AR: variants seen among roughly 807,000 people sequenced by gnomAD.
AR encodes the protein dihydrotestosterone receptor.
AR carries 8 observed loss-of-function variants against 53.9 expected under a neutral mutation model. That is an observed-to-expected ratio of 0.15 (90% CI 0.09 to 0.27). AR has a LOEUF of 0.27. Among genes scored for constraint, AR ranks in the 10% least tolerant of loss-of-function variants. The probability of loss-of-function intolerance (pLI) is 1.00; values close to 1 mark genes in which losing one functional copy is unlikely to be tolerated. For synonymous variants in AR, 359 were observed against 316.4 expected (o/e 1.13, Z -1.43); for missense variants, 639 against 742.5 (o/e 0.86, Z 1.62).
intron 1 of AR, among the ~76,000 whole-genome samples, chrX:67,609,404 A>T (rs1278652311): frequency 9.0e-6 from 1 of 111,136 alleles, no homozygotes. Flanking sequence ...TCTCAACAAC[A>T]CTGGACATTA....
At chrX:67,634,003 G>A (rs767690503) in intron 1 of AR, among the ~76,000 whole-genome samples, 2 of 111,471 alleles carry the variant, frequency 1.8e-5, no homozygotes, top group Non-Finnish European at 1.9e-5. Context: ...ATGTGAGTAT[G>A]CTAAAATGGG....
At chrX:67,716,080 GA>G (rs1238935099) in intron 4 of AR, among the ~76,000 whole-genome samples, 1 of 111,048 alleles carries the variant, frequency 9.0e-6, no homozygotes, top group African/African-American at 3.3e-5. Context: ...TTTACAAAAG[GA>G]AAAAAAATTG....
At chrX:67,694,392 C>T (rs1212466080) in intron 3 of AR, among the ~76,000 whole-genome samples, 1 of 109,278 alleles carries the variant, frequency 9.2e-6, no homozygotes, top group African/African-American at 3.3e-5. Flanking sequence ...GAGAGATGCA[C>T]GCACACATAT....
intron 3 of AR, among the ~76,000 whole-genome samples, chrX:67,705,054 T>C (rs1310413572): frequency 8.9e-6 from 1 of 111,897 alleles, no homozygotes; most frequent in Non-Finnish European, 1.9e-5. Context: ...TGTAGCCTTG[T>C]AGTATAGTTT....
At chrX:67,704,621 C>A (rs1266917684) in intron 3 of AR, among the ~76,000 whole-genome samples, 2 of 111,702 alleles carry the variant, frequency 1.8e-5, no homozygotes, top group East Asian at 5.6e-4. Flanking sequence ...ATGGTAGTTT[C>A]TTTTGCTGTG....
intron 1 of AR, among the ~76,000 whole-genome samples, chrX:67,559,692 G>T (rs1921213570): frequency 8.9e-6 from 1 of 112,347 alleles, no homozygotes; most frequent in African/African-American, 3.2e-5. Flanking sequence ...AGGAGAGAAA[G>T]AATTTTTCCA....
chrX:67,609,836 A>G (rs2147385265), intron 1 of AR, among the ~76,000 whole-genome samples: 1 of 112,175 alleles, frequency 8.9e-6, no homozygotes, highest in African/African-American at 3.2e-5. Flanking sequence ...GCATTTGAAG[A>G]TTTGTTTAAA....
intron 1 of AR, among the ~76,000 whole-genome samples, chrX:67,619,331 C>CTG (rs749055716): frequency 0.017 from 1,736 of 103,814 alleles, 32 homozygotes; most frequent in African/African-American, 0.05. Flanking sequence ...CTCTCTCTCT[C>CTG]TGTGTGTGTG....
chrX:67,689,340 G>A (rs903781258), intron 3 of AR, among the ~76,000 whole-genome samples: 4 of 110,971 alleles, frequency 3.6e-5, no homozygotes, highest in Non-Finnish European at 7.6e-5. Context: ...AGAGAGTGGA[G>A]GGCAGAAGGG....
chrX:67,713,126 G>T (rs960973669), intron 4 of AR, among the ~76,000 whole-genome samples: 1 of 111,806 alleles, frequency 8.9e-6, no homozygotes, highest in East Asian at 2.8e-4. Flanking sequence ...ACAGTGAGGG[G>T]CCAAGGCTTC....
rs868302830 is a variant in AR, at chrX:67,545,325, A to T, written c.179A>T (p.Gln60Leu). 3.4e-5 allele frequency: 26 copies of T among 762,566 alleles called. No individual in the cohort carries two copies. In the African/African-American group the frequency reaches 4.0e-4, roughly 12 times the overall value. The allele number at this position is 762,566 out of a possible 1,213,427, so 62.8% of individuals were successfully genotyped here. ...PGASLLLLQQ[Q>L]QQQQQQQQQQ... ...GCCAGTTTGCTGCTGCTGCAGCAGC[A>T]GCAGCAGCAGCAGCAGCAGCAGCAG... Residue 60 changes from glutamine (Q) to leucine (L), a missense_variant, in exon 1 of 8, where the codon CAG becomes CTG. Physicochemically the swap from Gln to Leu is moderately radical, Grantham distance 113. This residue lies in a region of AR where 55 missense variants were observed against 84.8 expected (regional missense o/e 0.65). Transcript: ENST00000374690.
chrX:67,576,311 G>A (rs1205370155), intron 1 of AR, among the ~76,000 whole-genome samples: 1 of 110,287 alleles, frequency 9.1e-6, no homozygotes, highest in Non-Finnish European at 1.9e-5. Flanking sequence ...TACCCTATTT[G>A]GTTCCATTGT....
At chrX:67,720,447 C>T (rs1173826884) in intron 5 of AR, among the ~76,000 whole-genome samples, 1 of 111,727 alleles carries the variant, frequency 9.0e-6, no homozygotes, top group Non-Finnish European at 1.9e-5. Flanking sequence ...AAGATTGCAG[C>T]ATTGTCATCA....
Position 67,728,849 on chromosome X carries a change from A to G in AR, c.*5008A>G, listed in dbSNP as rs2076169438. On this transcript the variant is annotated 3_prime_UTR_variant, in exon 8 of 8. Coordinates refer to ENST00000374690, the MANE Select transcript of AR (RefSeq NM_000044.6). ...ATAAAAAGAGTAGAGGACATGATAC[A>G]TTGTACTTTACTAGTTCAAGACAGA... is the stretch of plus-strand genomic sequence containing the variant. 1 of 165,998 alleles carries G rather than the reference A, an allele frequency of 6.0e-6. No individual in the cohort carries two copies. The highest frequency in any genetic ancestry group is 1.1e-5 in the Non-Finnish European group (1 of 87,099). The allele number at this position is 165,998 out of a possible 1,213,427, so 13.7% of individuals were successfully genotyped here.
At chrX:67,655,719 T>C (rs1296433407) in intron 2 of AR, among the ~76,000 whole-genome samples, 2 of 111,091 alleles carry the variant, frequency 1.8e-5, no homozygotes, top group Non-Finnish European at 3.8e-5. Flanking sequence ...AACTGTAAAA[T>C]AGGCATACAG....
chrX:67,615,825 A>T (rs1202032435), intron 1 of AR, among the ~76,000 whole-genome samples: 1 of 111,714 alleles, frequency 9.0e-6, no homozygotes, highest in Non-Finnish European at 1.9e-5. Context: ...GAAATGAAAA[A>T]ATTAAGTGGC....
Position 67,606,027 on chromosome X carries a change from G to A in AR, c.1617-37229G>A, listed in dbSNP as rs748545071. Among the ~76,000 whole-genome samples the A allele has an allele frequency of 4.5e-5, 5 of 112,068 alleles. No homozygotes were observed. The South Asian group carries it at 1.9e-3, about 42-fold the overall frequency. On this transcript the variant is annotated intron_variant, in intron 1 of 7. Transcript: ENST00000374690. ...CTTTTAGGTGTTTTCAGTCGAACAG[G>A]GGAGACAAATATATGAGCAAATTGC...
At chrX:67,636,202 T>G in intron 1 of AR, among the ~76,000 whole-genome samples, 1 of 110,933 alleles carries the variant, frequency 9.0e-6, no homozygotes, top group Non-Finnish European at 1.9e-5. Flanking sequence ...AGCCACATAA[T>G]AGGAGCTTAG....
chrX:67,621,093 T>A (rs780129179), intron 1 of AR, among the ~76,000 whole-genome samples: 146 of 111,948 alleles, frequency 1.3e-3, no homozygotes, highest in Non-Finnish European at 2.3e-3. Flanking sequence ...AAGTTAAATA[T>A]CCAGAATTTG....
Sources: gnomAD v4.1 joint callset for allele counts (sites outside exome capture counted in the v4.1 genomes callset) on GRCh38, gnomAD v4.1.1 for gene constraint, gnomAD v4.1.1 regional missense constraint, MANE v1.5 for transcripts, NCBI Gene and HGNC (gene_info 2026-07-23, HGNC 2026-07-21) for gene names.